The following GCM2 variants were observed in gnomAD, a reference collection of about 807,000 sequenced individuals.
GCM2 encodes the protein GCM transcription factor 2, also known as chorion-specific transcription factor GCMb.
A neutral mutation model predicts 24.8 loss-of-function variants in GCM2; 21 were observed. That is an observed-to-expected ratio of 0.85 (90% CI 0.60 to 1.22). GCM2 has a LOEUF of 1.22. Among genes scored for constraint, GCM2 ranks in the 50% most tolerant of loss-of-function variants. The probability of loss-of-function intolerance (pLI) is 0.00; values close to 1 mark genes in which losing one functional copy is unlikely to be tolerated. For missense variants in GCM2, 532 were observed against 645.6 expected (o/e 0.82, Z 1.91); for synonymous variants, 222 against 238.0 (o/e 0.93, Z 0.62).
At chr6:10,880,805 G>T (rs1779948320) in intron 1 of GCM2, among the ~76,000 whole-genome samples, 2 of 152,178 alleles carry the variant, frequency 1.3e-5, no homozygotes, top group Admixed American at 6.5e-5. Flanking sequence ...TGACTATGGG[G>T]CCTCCTTCCT....
At position 10,874,252 on chromosome 6, in the gene GCM2, C is replaced by T. The variant is rs767662821; in HGVS notation, c.1264G>A (p.Gly422Arg). ...SSCNYAPEDTGMSVYPEPWGP... is the reference protein window; with the variant it reads ...SSCNYAPEDTRMSVYPEPWGP... Reference sequence around the variant, plus strand: ...CAGGGTTCTGGATAGACAGACATCCCAGTATCTTCAGGAGCATAGTTACAG... The same window carrying T: ...CAGGGTTCTGGATAGACAGACATCCTAGTATCTTCAGGAGCATAGTTACAG... The change falls in exon 5 of 5, where the codon GGG becomes AGG. Residue 422 changes from glycine to arginine, a missense_variant. Physicochemically the swap from Gly to Arg is moderately radical, Grantham distance 125 (BLOSUM62 -2). Coordinates refer to ENST00000379491, the MANE Select transcript of GCM2 (RefSeq NM_004752.4). The T allele has an allele frequency of 6.8e-6, 11 of 1,614,076 alleles. No homozygotes were observed. The highest frequency in any genetic ancestry group is 8.5e-6 in the Non-Finnish European group (10 of 1,180,044).
chr6:10,876,635 A>G, intron 2 of GCM2, 78 bp from the exon 3 acceptor site: 1 of 1,028,630 alleles, frequency 9.7e-7, no homozygotes, highest in Non-Finnish European at 1.5e-6. Flanking sequence ...TTAGCTGGGA[A>G]CAAAGAACTC....
chr6:10,881,602 G>C lies in GCM2; in HGVS notation c.90+102C>G, dbSNP rs1238169116. Reference sequence around the variant, plus strand: ...TGTGTGTGTGTGTGTGTGTGTGTGTGTGTGTATGGTCCGTCCGCAGACTCT... The same window carrying C: ...TGTGTGTGTGTGTGTGTGTGTGTGTCTGTGTATGGTCCGTCCGCAGACTCT... On this transcript the variant is annotated intron_variant, in intron 1 of 4. Transcript: ENST00000379491. 7.0e-6 allele frequency: 4 copies of C among 572,796 alleles called. No homozygotes were observed. The African/African-American group carries it at 8.8e-5, about 13-fold the overall frequency. The allele number at this position is 572,796 out of a possible 1,614,324, so 35.5% of individuals were successfully genotyped here. A position where few individuals can be genotyped will look rare whatever the true frequency, so the allele number is the denominator to read the frequency against.
At chr6:10,880,318 C>T (rs1402008304) in intron 1 of GCM2, among the ~76,000 whole-genome samples, 1 of 151,998 alleles carries the variant, frequency 6.6e-6, no homozygotes, top group Non-Finnish European at 1.5e-5. Flanking sequence ...GAGTAAAACA[C>T]ACCTAACCTA....
chr6:10,876,360 G>A, intron 3 of GCM2, 85 bp downstream of exon 3: 1 of 921,632 alleles, frequency 1.1e-6, no homozygotes. Flanking sequence ...TTTGGCCCAG[G>A]GTTCCCAAGG....
At chr6:10,880,374 G>C (rs1345062632) in intron 1 of GCM2, among the ~76,000 whole-genome samples, 2 of 152,098 alleles carry the variant, frequency 1.3e-5, no homozygotes, top group Admixed American at 1.3e-4. Context: ...TATGAGAGGC[G>C]ACACAATGTT....
intron 1 of GCM2, among the ~76,000 whole-genome samples, chr6:10,881,042 C>G (rs947723621): frequency 1.3e-5 from 2 of 152,018 alleles, no homozygotes; most frequent in African/African-American, 4.8e-5. Context: ...AAAGGACAGG[C>G]GTCCCGCTCT....
At position 10,877,316 on chromosome 6, in the gene GCM2, T is replaced by C; in HGVS notation, c.167A>G (p.Lys56Arg). The stretch of plus-strand genomic sequence containing the variant: ...CCAGCCGCTCAGGTGACGCTGTGCC[T>C]TCTTCTCATCGCTGCTGTAGATGAA... ...VRFIYSSDEK[K>R]AQRHLSGWAM... Residue 56 changes from lysine (K) to arginine (R), a missense_variant, in exon 2 of 5, where the codon AAG becomes AGG. By Grantham distance (26) the Lys-to-Arg change is conservative. Transcript: ENST00000379491. The C allele has an allele frequency of 6.2e-7, 1 of 1,614,196 alleles. No individual in the cohort carries two copies. The highest frequency in any genetic ancestry group is 8.5e-7 in the Non-Finnish European group (1 of 1,180,044).
intron 3 of GCM2, 150 bp from the exon 4 acceptor site, chr6:10,876,166 A>T: frequency 1.2e-6 from 1 of 816,192 alleles, no homozygotes; most frequent in African/African-American, 1.7e-5. Context: ...GAACAAATAA[A>T]ACAGGCTCAA....
intron 1 of GCM2, among the ~76,000 whole-genome samples, chr6:10,881,352 T>C (rs1201610138): frequency 6.6e-6 from 1 of 151,980 alleles, no homozygotes; most frequent in Non-Finnish European, 1.5e-5. Flanking sequence ...GAGACGGGGT[T>C]TCTCCATGTT....
Position 10,876,746 on chromosome 6 carries a change from A to T in GCM2, c.344-189T>A, listed in dbSNP as rs9295693. On this transcript the variant is annotated intron_variant, in intron 2 of 4. Coordinates refer to ENST00000379491, the MANE Select transcript of GCM2 (RefSeq NM_004752.4). Reference sequence around the variant, plus strand: ...GGAGTTCAAGACCAGCCTGACCAACATGGAGAAACCTTGTCTCTACTAAAA... The same window carrying T: ...GGAGTTCAAGACCAGCCTGACCAACTTGGAGAAACCTTGTCTCTACTAAAA... Among the ~76,000 whole-genome samples the T allele has an allele frequency of 0.03, 4,587 of 152,240 alleles. 100 individuals carry two copies. The highest frequency in any genetic ancestry group is 0.069 in the African/African-American group (2,866 of 41,546).
intron 1 of GCM2, among the ~76,000 whole-genome samples, chr6:10,879,658 C>A (rs1053843347): frequency 6.6e-5 from 10 of 152,144 alleles, no homozygotes; most frequent in Non-Finnish European, 1.5e-4. Context: ...CAGAGCAGGG[C>A]GATGCTAAGT....
chr6:10,876,337 G>T, intron 3 of GCM2, 108 bp downstream of exon 3: 1 of 789,724 alleles, frequency 1.3e-6, no homozygotes. Context: ...CTGGCCACTG[G>T]GGCTGTATTT....
chr6:10,874,662 G>A lies in GCM2; in HGVS notation c.854C>T (p.Ser285Leu). Residue 285 changes from serine (S) to leucine (L), a missense_variant, in exon 5 of 5, where the codon TCA becomes TTA. Physicochemically the swap from Ser to Leu is moderately radical, Grantham distance 145. This residue lies in a region of GCM2 where 434 missense variants were observed against 521.9 expected (regional missense o/e 0.83). Coordinates refer to ENST00000379491, the MANE Select transcript of GCM2 (RefSeq NM_004752.4). ...CTTATAAAGGGTGGGATATGGGCTT[G>A]AATTTGTATAACCAGGGTTTGCCAA... The part of the protein sequence containing the change: ...YELANPGYTN[S>L]SPYPTLYKDS... 1 of 1,614,214 alleles carries A rather than the reference G, an allele frequency of 6.2e-7. No individual in the cohort carries two copies.
Position 10,873,331 on chromosome 6 carries a change from T to G in GCM2, c.*664A>C, listed in dbSNP as rs1411717883. 2.6e-5 allele frequency: 4 copies of G among 153,354 alleles called. No individual in the cohort carries two copies. Among genetic ancestry groups the G allele is most frequent in the African/African-American group, 4.8e-5 (2 of 41,452 alleles). The allele number at this position is 153,354 out of a possible 1,614,324, so 9.5% of individuals were successfully genotyped here. On this transcript the variant is annotated 3_prime_UTR_variant, in exon 5 of 5. Coordinates refer to ENST00000379491, the MANE Select transcript of GCM2 (RefSeq NM_004752.4). Reference sequence around the variant, plus strand: ...TACAACTCATCATTGTTAGGCTGTCTCTGTTATGGAAACTATCATGTTATG... The same window carrying G: ...TACAACTCATCATTGTTAGGCTGTCGCTGTTATGGAAACTATCATGTTATG...
chr6:10,873,891 G>T lies in GCM2; in HGVS notation c.*104C>A. 1 of 867,286 alleles carries T rather than the reference G, an allele frequency of 1.2e-6. No homozygotes were observed. The highest frequency in any genetic ancestry group is 1.9e-6 in the Non-Finnish European group (1 of 526,160). 53.7% of individuals were successfully genotyped at this position (867,286 alleles called of 1,614,324 possible). On this transcript the variant is annotated 3_prime_UTR_variant, in exon 5 of 5. Coordinates refer to ENST00000379491, the MANE Select transcript of GCM2 (RefSeq NM_004752.4). The stretch of plus-strand genomic sequence containing the variant: ...TTTTTACTACTATCTGTGTTTCTTT[G>T]CACACAAGGTGAATCTCCCAACTCA...
chr6:10,873,921 G>A lies in GCM2; in HGVS notation c.*74C>T. The A allele has an allele frequency of 8.8e-7, 1 of 1,130,328 alleles. No homozygotes were observed. Among genetic ancestry groups the A allele is most frequent in the Non-Finnish European group, 1.3e-6 (1 of 748,308 alleles). The allele number at this position is 1,130,328 out of a possible 1,614,324, so 70.0% of individuals were successfully genotyped here. ...CAAGGTGAATCTCCCAACTCAATAA[G>A]AGATCATTGCCATTTCACATTTCCC... is the stretch of plus-strand genomic sequence containing the variant. On this transcript the variant is annotated 3_prime_UTR_variant, in exon 5 of 5. Transcript: ENST00000379491.
chr6:10,880,723 AC>A (rs1779946413), intron 1 of GCM2, among the ~76,000 whole-genome samples: 1 of 151,958 alleles, frequency 6.6e-6, no homozygotes. Flanking sequence ...CAACAAATTC[AC>A]CCTAAAAGAA....
chr6:10,873,790 CA>C lies in GCM2; in HGVS notation c.*204del. 1.6e-6 allele frequency: 1 copy of C among 627,242 alleles called. No individual in the cohort carries two copies. The highest frequency in any genetic ancestry group is 2.9e-6 in the Non-Finnish European group (1 of 347,148). 38.9% of individuals were successfully genotyped at this position (627,242 alleles called of 1,614,324 possible). The stretch of plus-strand genomic sequence containing the variant: ...CCTCACTACTTCTATGTATTGTAGC[CA>C]GTTTCAAAATGCTGTGTGAAATTTC... On this transcript the variant is annotated 3_prime_UTR_variant, in exon 5 of 5. Transcript: ENST00000379491.
Sources: gnomAD v4.1 joint callset for allele counts (sites outside exome capture counted in the v4.1 genomes callset) on GRCh38, gnomAD v4.1.1 for gene constraint, gnomAD v4.1.1 regional missense constraint, MANE v1.5 for transcripts, NCBI Gene and HGNC (gene_info 2026-07-23, HGNC 2026-07-21) for gene names.